RPGRIP1L: variants seen among roughly 807,000 people sequenced by gnomAD.
The protein encoded by RPGRIP1L is RPGRIP1 like, also known as protein fantom.
In RPGRIP1L, 131 loss-of-function variants were observed where a neutral mutation model predicts 160.4. The ratio of observed to expected loss-of-function variants is 0.82; its 90% CI spans 0.71 to 0.94. RPGRIP1L has a LOEUF of 0.94. Among genes scored for constraint, RPGRIP1L ranks in the 40% least tolerant of loss-of-function variants. RPGRIP1L has a pLI of 0.00. For missense variants in RPGRIP1L, 1,522 were observed against 1,535.8 expected (o/e 0.99, Z 0.15); for synonymous variants, 510 against 515.8 (o/e 0.99, Z 0.15).
At chr16:53,644,132 C>T (rs1281137108) in intron 17 of RPGRIP1L, among the ~76,000 whole-genome samples, 1 of 152,082 alleles carries the variant, frequency 6.6e-6, no homozygotes, top group Non-Finnish European at 1.5e-5. Context: ...AGTTGAAGTC[C>T]AGCCTGGGCA....
At chr16:53,689,764 G>C (rs1181598493) in intron 4 of RPGRIP1L, among the ~76,000 whole-genome samples, 1 of 152,166 alleles carries the variant, frequency 6.6e-6, no homozygotes, top group Non-Finnish European at 1.5e-5. Flanking sequence ...TGGTAATGAT[G>C]CTTCAGGTTT....
rs775153934 is a variant in RPGRIP1L at position 53,645,650 on chromosome 16, C to T, written c.2658G>A (p.Ser886=). ...YIGKVNVPLI[S]LAHDRCISGI... is the part of the protein sequence containing the mutation. ...CTGAGATACACCTGTCATGTGCCAA[C>T]GAAATCAGAGGCACATTGACTTTTC... Residue 886 remains serine, a synonymous_variant, in exon 17 of 27, where the codon TCG becomes TCA. Coordinates refer to ENST00000647211, the MANE Select transcript of RPGRIP1L (RefSeq NM_015272.5). The T allele has an allele frequency of 9.9e-6, 16 of 1,613,600 alleles. No homozygotes were observed. The highest frequency in any genetic ancestry group is 6.7e-5 in the East Asian group (3 of 44,882).
intron 11 of RPGRIP1L, 83 bp from the exon 12 acceptor site, chr16:53,658,547 G>T: frequency 8.7e-7 from 1 of 1,155,204 alleles, no homozygotes; most frequent in Non-Finnish European, 1.3e-6. Flanking sequence ...TTATCCCCAT[G>T]AAACATAAAC....
In RPGRIP1L at chr16:53,656,565, T is replaced by G. The variant is rs763271989; in HGVS notation, c.1606A>C (p.Lys536Gln). ...YQMEVEAVTR[K>Q]MENLQQDYEL... Reference sequence around the variant, plus strand: ...TAATCTTGCTGCAAATTTTCCATCTTACGGGTCACTGCCTCAACCTCCATC... The same window carrying G: ...TAATCTTGCTGCAAATTTTCCATCTGACGGGTCACTGCCTCAACCTCCATC... The change falls in exon 14 of 27, where the codon AAG (lysine) becomes CAG (glutamine). Residue 536 changes from lysine to glutamine, a missense_variant. By Grantham distance (53) the Lys-to-Gln change is moderately conservative. Transcript: ENST00000647211. 22 of 1,613,382 alleles carry G rather than the reference T, an allele frequency of 1.4e-5. No individual in the cohort carries two copies. Among genetic ancestry groups the G allele is most frequent in the Non-Finnish European group, 1.8e-5 (21 of 1,179,416 alleles).
chr16:53,635,266 A>T (rs58907687), intron 22 of RPGRIP1L, among the ~76,000 whole-genome samples: 13,169 of 152,218 alleles, frequency 0.087, 739 homozygotes, highest in Middle Eastern at 0.17. Context: ...ACATGGTTCT[A>T]TTGCAGGTCT....
chr16:53,701,107 T>C (rs1971358147), intron 1 of RPGRIP1L, among the ~76,000 whole-genome samples: 1 of 152,216 alleles, frequency 6.6e-6, no homozygotes, highest in Non-Finnish European at 1.5e-5. Flanking sequence ...TCAAGCCACC[T>C]AAACTCTCTG....
At position 53,656,469 on chromosome 16, in the gene RPGRIP1L, T is replaced by A; in HGVS notation, c.1699+3A>T. On this transcript the variant is annotated splice_donor_region_variant and intron_variant, in intron 14 of 26. Transcript: ENST00000647211. ...GTGGACCAAAAAATCGTATATGTTG[T>A]ACCTTCTAGTTTATGGATACGTGCA... The A allele has an allele frequency of 1.9e-6, 3 of 1,582,486 alleles. No homozygotes were observed. Among genetic ancestry groups the A allele is most frequent in the Non-Finnish European group, 2.6e-6 (3 of 1,151,014 alleles).
chr16:53,655,699 A>G (rs2151145019), intron 14 of RPGRIP1L: 2 of 152,330 alleles, frequency 1.3e-5, no homozygotes, highest in Non-Finnish European at 2.9e-5. Context: ...GTTATTTCTA[A>G]ATACAATATA....
intron 3 of RPGRIP1L, chr16:53,694,100 G>A (rs1970573498): frequency 6.6e-6 from 1 of 152,036 alleles, no homozygotes; most frequent in African/African-American, 2.4e-5. Flanking sequence ...TCATATTAAT[G>A]AATCATACGT....
chr16:53,630,292 C>T (rs551148020), intron 22 of RPGRIP1L, among the ~76,000 whole-genome samples: 14 of 152,234 alleles, frequency 9.2e-5, no homozygotes, highest in African/African-American at 2.9e-4. Flanking sequence ...TCAAACAATC[C>T]TCTTGCCTTG....
intron 25 of RPGRIP1L, among the ~76,000 whole-genome samples, chr16:53,607,164 T>C (rs1304163606): frequency 2.0e-5 from 3 of 152,160 alleles, no homozygotes; most frequent in Admixed American, 2.0e-4. Flanking sequence ...TCATCTCAGT[T>C]TCCTTACCAG....
chr16:53,659,552 G>A lies in RPGRIP1L; in HGVS notation c.1244-674C>T, dbSNP rs1213040941. ...TTCCAACAGGTCTATTACATTAGGA[G>A]GACTGGATTCTTAAGCCATGCATGG... On this transcript the variant is annotated intron_variant, in intron 10 of 26. Transcript: ENST00000647211. 2.6e-5 allele frequency: 4 copies of A among 152,282 alleles called. No individual in the cohort carries two copies. The South Asian group carries it at 6.2e-4, about 24-fold the overall frequency. 9.4% of individuals were successfully genotyped at this position (152,282 alleles called of 1,614,324 possible).
At chr16:53,644,011 T>G (rs1277367038) in intron 17 of RPGRIP1L, among the ~76,000 whole-genome samples, 1 of 152,172 alleles carries the variant, frequency 6.6e-6, no homozygotes, top group Non-Finnish European at 1.5e-5. Flanking sequence ...AATGATAATG[T>G]TTTATCAAAT....
At chr16:53,692,905 C>G (rs1970485194) in intron 3 of RPGRIP1L, among the ~76,000 whole-genome samples, 1 of 152,076 alleles carries the variant, frequency 6.6e-6, no homozygotes, top group African/African-American at 2.4e-5. Flanking sequence ...CAAAATGCAC[C>G]AATAAATGTT....
intron 9 of RPGRIP1L, among the ~76,000 whole-genome samples, chr16:53,665,550 G>T (rs990541809): frequency 6.6e-6 from 1 of 152,020 alleles, no homozygotes; most frequent in African/African-American, 2.4e-5. Context: ...TATAGTTTTT[G>T]TTAAAAAACA....
At chr16:53,669,265 T>A (rs1048262166) in intron 9 of RPGRIP1L, among the ~76,000 whole-genome samples, 1 of 152,160 alleles carries the variant, frequency 6.6e-6, no homozygotes, top group Non-Finnish European at 1.5e-5. Flanking sequence ...ATTCTGTAGT[T>A]CTGTTGACTA....
At chr16:53,646,486 G>A (rs926688065) in intron 16 of RPGRIP1L, among the ~76,000 whole-genome samples, 3 of 152,184 alleles carry the variant, frequency 2.0e-5, no homozygotes, top group South Asian at 2.1e-4. Flanking sequence ...TAACTGTTAC[G>A]AGAAAATGAG....
At chr16:53,632,945 A>G (rs1174811960) in intron 22 of RPGRIP1L, among the ~76,000 whole-genome samples, 3 of 152,140 alleles carry the variant, frequency 2.0e-5, no homozygotes, top group African/African-American at 4.8e-5. Flanking sequence ...GCAGACCACT[A>G]TGCATTTTAA....
chr16:53,679,689 C>T (rs1969468464), intron 6 of RPGRIP1L, among the ~76,000 whole-genome samples: 1 of 152,190 alleles, frequency 6.6e-6, no homozygotes. Flanking sequence ...AGAATTGTGC[C>T]AATCCAGTGT....
Sources: gnomAD v4.1 joint callset for allele counts (sites outside exome capture counted in the v4.1 genomes callset) on GRCh38, gnomAD v4.1.1 for gene constraint, MANE v1.5 for transcripts, NCBI Gene and HGNC (gene_info 2026-07-23, HGNC 2026-07-21) for gene names.